The following STAB2 variants were observed in gnomAD, a reference collection of about 807,000 sequenced individuals.
STAB2 encodes the protein stabilin-2.
STAB2 carries 288 observed loss-of-function variants against 338.1 expected under a neutral mutation model. The observed-to-expected ratio is 0.85, with a 90% CI of 0.77 to 0.94. The LOEUF (loss-of-function observed/expected upper bound fraction) is 0.94. Among genes scored for constraint, STAB2 ranks in the 40% least tolerant of loss-of-function variants. STAB2 has a pLI of 0.00. For synonymous variants in STAB2, 1,202 were observed against 1,193.3 expected, an observed-to-expected ratio of 1.01 and a Z score of -0.15; for missense variants, 3,141 against 3,210.1, an observed-to-expected ratio of 0.98 and a Z score of 0.52.
At chr12:103,715,927 A>G in intron 43 of STAB2, 39 bp downstream of exon 43, 1 of 1,609,422 alleles carries the variant, frequency 6.2e-7, no homozygotes, top group African/African-American at 1.3e-5. Context: ...GTTTCCTAAA[A>G]GGGAACTCCT....
chr12:103,759,275 T>C lies in STAB2; in HGVS notation c.7248+2T>C, dbSNP rs555064055. ...GCCAGCCAGGACCCACTCCAACCGG[T>C]ACAAAGTCTTCTGGGCTTCTTGGGG... On this transcript the variant is annotated splice_donor_variant, in intron 65 of 68. Coordinates refer to ENST00000388887, the MANE Select transcript of STAB2 (RefSeq NM_017564.10). LOFTEE classifies it high-confidence loss of function. 5.6e-6 allele frequency: 9 copies of C among 1,613,516 alleles called. No homozygotes were observed. The East Asian group carries it at 8.9e-5, about 16-fold the overall frequency.
intron 39 of STAB2, 108 bp from the exon 40 acceptor site, chr12:103,711,363 T>G: frequency 1.4e-6 from 2 of 1,428,494 alleles, no homozygotes. Context: ...ATCGCTCACA[T>G]GATACATATC....
intron 15 of STAB2, among the ~76,000 whole-genome samples, chr12:103,656,195 G>A (rs1396137276): frequency 6.6e-6 from 1 of 152,228 alleles, no homozygotes; most frequent in Non-Finnish European, 1.5e-5. Context: ...GAAGAGGACA[G>A]CCTATTGTGG....
intron 3 of STAB2, among the ~76,000 whole-genome samples, chr12:103,606,547 T>A (rs1267206915): frequency 6.6e-6 from 1 of 152,238 alleles, no homozygotes; most frequent in East Asian, 1.9e-4. Flanking sequence ...TGATTAATTC[T>A]TCTACCTTTC....
intron 3 of STAB2, among the ~76,000 whole-genome samples, chr12:103,603,069 T>G (rs79706771): frequency 0.037 from 5,573 of 152,156 alleles, 325 homozygotes; most frequent in African/African-American, 0.13. Context: ...TTTTTGTTTT[T>G]GTTTTGTTTT....
intron 27 of STAB2, 103 bp downstream of exon 27, chr12:103,685,187 G>GAGATTTT: frequency 9.1e-7 from 1 of 1,099,364 alleles, no homozygotes; most frequent in Non-Finnish European, 1.3e-6. Flanking sequence ...TTTGCTGCAG[G>GAGATTTT]AGATTTTACA....
At chr12:103,650,872 T>C (rs1873688969) in intron 11 of STAB2, among the ~76,000 whole-genome samples, 1 of 152,226 alleles carries the variant, frequency 6.6e-6, no homozygotes, top group Admixed American at 6.5e-5. Flanking sequence ...CATTACCCTC[T>C]ACAGGTAACC....
chr12:103,762,487 C>A (rs971518749), intron 67 of STAB2, 85 bp downstream of exon 67: 7 of 1,592,444 alleles, frequency 4.4e-6, no homozygotes, highest in Admixed American at 1.7e-5. Context: ...TCGGTGGCTG[C>A]GCCAGAGTCC....
intron 68 of STAB2, among the ~76,000 whole-genome samples, chr12:103,765,374 C>T (rs1209451722): frequency 6.6e-6 from 1 of 152,180 alleles, no homozygotes; most frequent in African/African-American, 2.4e-5. Context: ...GAATCCTAAG[C>T]ATAAGGTACC....
chr12:103,687,951 T>G (rs1286034808), intron 27 of STAB2, among the ~76,000 whole-genome samples: 1 of 152,208 alleles, frequency 6.6e-6, no homozygotes, highest in African/African-American at 2.4e-5. Flanking sequence ...CAAGCCACCT[T>G]AGTGTGAAAG....
intron 6 of STAB2, among the ~76,000 whole-genome samples, chr12:103,634,188 T>A (rs1957507936): frequency 6.6e-6 from 1 of 152,200 alleles, no homozygotes; most frequent in Non-Finnish European, 1.5e-5. Context: ...TTTAAAATTG[T>A]GCGCCAAGGT....
chr12:103,720,312 A>T (rs1380930291), intron 44 of STAB2, among the ~76,000 whole-genome samples: 1 of 152,226 alleles, frequency 6.6e-6, no homozygotes, highest in East Asian at 1.9e-4. Context: ...CTATCTCAGC[A>T]GCATATTCCC....
chr12:103,763,510 G>A lies in STAB2; in HGVS notation c.7507G>A (p.Val2503Ile). 6.2e-7 allele frequency: 1 copy of A among 1,614,102 alleles called. No individual in the cohort carries two copies. The highest frequency in any genetic ancestry group is 8.5e-7 in the Non-Finnish European group (1 of 1,180,014). ...QHFESEEDIN[V>I]AALGKQQPEN... ...CAAACAGTCGGAAGAGGACATTAATGTTGCAGCTCTTGGCAAGCAGCAGCC... is the reference window on the plus strand; with the variant it reads ...CAAACAGTCGGAAGAGGACATTAATATTGCAGCTCTTGGCAAGCAGCAGCC... Residue 2503 changes from valine to isoleucine, a missense_variant, in exon 68 of 69, where the codon GTT becomes ATT. By Grantham distance (29) the Val-to-Ile change is conservative. Transcript: ENST00000388887.
At chr12:103,654,867 C>G in intron 13 of STAB2, 169 bp downstream of exon 13, 2 of 846,118 alleles carry the variant, frequency 2.4e-6, no homozygotes, top group Non-Finnish European at 3.5e-6. Context: ...ACCTGGGAAT[C>G]TCTGCAGAAA....
intron 9 of STAB2, among the ~76,000 whole-genome samples, chr12:103,647,734 G>T (rs1418404142): frequency 6.6e-6 from 1 of 152,154 alleles, no homozygotes; most frequent in Non-Finnish European, 1.5e-5. Flanking sequence ...ACAAAGTAGG[G>T]CTTCCCCCTC....
intron 8 of STAB2, among the ~76,000 whole-genome samples, chr12:103,639,354 G>A (rs1053486502): frequency 5.3e-5 from 8 of 152,092 alleles, no homozygotes; most frequent in African/African-American, 1.9e-4. Context: ...ATTGTGAGGT[G>A]TTTAACAGCA....
chr12:103,688,112 T>C (rs1593236962), intron 27 of STAB2, 56 bp from the exon 28 acceptor site: 1 of 1,548,542 alleles, frequency 6.5e-7, no homozygotes, highest in Non-Finnish European at 8.9e-7. Context: ...TTCTCATTGT[T>C]CTTTCTCTGT....
At chr12:103,750,043 T>G (rs1285783448) in intron 59 of STAB2, among the ~76,000 whole-genome samples, 1 of 152,116 alleles carries the variant, frequency 6.6e-6, no homozygotes, top group Non-Finnish European at 1.5e-5. Context: ...TTTTCTCATT[T>G]GTAAAGTGGG....
chr12:103,638,089 T>C lies in STAB2; in HGVS notation c.783T>C (p.Ser261=). 1 of 1,614,162 alleles carries C rather than the reference T, an allele frequency of 6.2e-7. No homozygotes were observed. Residue 261 remains serine (S), a synonymous_variant, in exon 8 of 69, where the codon AGT becomes AGC. Transcript: ENST00000388887. ...CGTACCTGGGACCAAATCGGCACAG[T>C]TGTACATGCCAAGAAGGCTACCGTG... ...HCTYLGPNRH[S]CTCQEGYRGD... is the part of the protein sequence containing the mutation.
Sources: gnomAD v4.1 joint callset for allele counts (sites outside exome capture counted in the v4.1 genomes callset) on GRCh38, gnomAD v4.1.1 for gene constraint, MANE v1.5 for transcripts, NCBI Gene and HGNC (gene_info 2026-07-23, HGNC 2026-07-21) for gene names.